The following CSMD1 variants were observed in gnomAD, a reference collection of about 807,000 sequenced individuals.
CSMD1 encodes CUB and sushi domain-containing protein 1.
Under a neutral mutation model 417.5 loss-of-function variants are expected in CSMD1, and 213 were observed. That is an observed-to-expected ratio of 0.51 (90% CI 0.46 to 0.57). CSMD1 has a LOEUF of 0.57. Among genes scored for constraint, CSMD1 ranks in the 20% least tolerant of loss-of-function variants. The pLI, the probability that CSMD1 is intolerant of heterozygous loss-of-function variation, is 0.00. For synonymous variants in CSMD1, 2,862 were observed against 1,736.8 expected (o/e 1.65, Z -16.11); for missense variants, 6,923 against 4,529.7 (o/e 1.53, Z -15.17).
At chr8:3,392,852 A>C (rs1387345785) in intron 17 of CSMD1, among the ~76,000 whole-genome samples, 1 of 152,034 alleles carries the variant, frequency 6.6e-6, no homozygotes, top group Non-Finnish European at 1.5e-5. Context: ...ATATCTCTAC[A>C]CCACCCACAG....
chr8:4,453,165 G>T (rs558775279), intron 2 of CSMD1, among the ~76,000 whole-genome samples: 1 of 151,238 alleles, frequency 6.6e-6, no homozygotes, highest in Non-Finnish European at 1.5e-5. Flanking sequence ...GCACAAGCCC[G>T]TTCCCCCCTC....
intron 3 of CSMD1, among the ~76,000 whole-genome samples, chr8:4,094,607 AGAG>A (rs1202967074): frequency 4.6e-5 from 7 of 151,102 alleles, no homozygotes. Flanking sequence ...TGTGTAGGTC[AGAG>A]GAGAGGCGTG....
chr8:4,001,682 C>T (rs1261963855), intron 4 of CSMD1, among the ~76,000 whole-genome samples: 4 of 152,042 alleles, frequency 2.6e-5, no homozygotes, highest in African/African-American at 7.2e-5. Context: ...CTAGAATTTC[C>T]GTTGATGAAT....
At chr8:4,569,451 T>C (rs1798776944) in intron 2 of CSMD1, among the ~76,000 whole-genome samples, 1 of 152,140 alleles carries the variant, frequency 6.6e-6, no homozygotes, top group African/African-American at 2.4e-5. Context: ...ATCAGATGGT[T>C]GTAGATGTGT....
intron 2 of CSMD1, among the ~76,000 whole-genome samples, chr8:4,499,131 C>G (rs1154096): frequency 0.48 from 72,833 of 151,942 alleles, 18,568 homozygotes; most frequent in African/African-American, 0.67. Context: ...GGGATTTAAA[C>G]CAAGATAAAG....
chr8:4,398,409 G>A (rs1337408911), intron 3 of CSMD1, among the ~76,000 whole-genome samples: 1 of 17,008 alleles, frequency 5.9e-5, no homozygotes, highest in South Asian at 1.7e-3. Context: ...TTTTTTTTTT[G>A]TGAGATAGAG....
chr8:4,865,481 A>C (rs1802372145), intron 1 of CSMD1, among the ~76,000 whole-genome samples: 1 of 151,984 alleles, frequency 6.6e-6, no homozygotes, highest in South Asian at 2.1e-4. Flanking sequence ...ACACAGCTTC[A>C]GTAGGTTTCC....
At chr8:3,805,960 C>T (rs148277860) in intron 5 of CSMD1, among the ~76,000 whole-genome samples, 194 of 152,276 alleles carry the variant, frequency 1.3e-3, no homozygotes, top group African/African-American at 4.2e-3. Flanking sequence ...GCTCCTTCTT[C>T]TTCCGTCTTC....
intron 37 of CSMD1, among the ~76,000 whole-genome samples, chr8:3,179,094 C>CT (rs1554452987): frequency 1.5e-4 from 23 of 151,662 alleles, no homozygotes; most frequent in South Asian, 4.2e-4. Context: ...ACTACAGGCC[C>CT]GCCACCACGC....
intron 1 of CSMD1, among the ~76,000 whole-genome samples, chr8:4,715,851 G>C (rs1375215832): frequency 6.6e-6 from 1 of 152,152 alleles, no homozygotes; most frequent in African/African-American, 2.4e-5. Flanking sequence ...ACTTTGCTTG[G>C]ATTACGGGAA....
chr8:3,594,411 A>ATT (rs143450115), intron 8 of CSMD1, among the ~76,000 whole-genome samples: 1 of 150,862 alleles, frequency 6.6e-6, no homozygotes, highest in African/African-American at 2.4e-5. Flanking sequence ...CATAGAATGT[A>ATT]TTTTTTTTTT....
At chr8:2,974,396 T>C (rs1016633820) in intron 56 of CSMD1, 55 bp downstream of exon 56, 3 of 1,394,730 alleles carry the variant, frequency 2.2e-6, no homozygotes, top group Admixed American at 2.5e-5. Context: ...GAAATCACTA[T>C]TTGAAAAGTT....
At chr8:4,435,735 C>T (rs1798113467) in intron 2 of CSMD1, among the ~76,000 whole-genome samples, 1 of 152,122 alleles carries the variant, frequency 6.6e-6, no homozygotes, top group South Asian at 2.1e-4. Flanking sequence ...TGAGATCTGT[C>T]TTGGCCATGT....
At chr8:3,719,742 T>A (rs181149415) in intron 6 of CSMD1, among the ~76,000 whole-genome samples, 1 of 152,288 alleles carries the variant, frequency 6.6e-6, no homozygotes, top group Non-Finnish European at 1.5e-5. Context: ...AAATATATAC[T>A]GGCTGCTTTC....
At chr8:4,130,017 C>A (rs1803000267) in intron 3 of CSMD1, among the ~76,000 whole-genome samples, 1 of 152,070 alleles carries the variant, frequency 6.6e-6, no homozygotes, top group Admixed American at 6.6e-5. Context: ...CCTTTCTTGT[C>A]AGAAGATTTT....
chr8:4,226,466 T>C (rs1277291145), intron 3 of CSMD1, among the ~76,000 whole-genome samples: 1 of 152,156 alleles, frequency 6.6e-6, no homozygotes, highest in Non-Finnish European at 1.5e-5. Flanking sequence ...TTAAAATACT[T>C]GCAATTTAGA....
chr8:4,275,331 G>C (rs1033739354), intron 3 of CSMD1, among the ~76,000 whole-genome samples: 14 of 152,260 alleles, frequency 9.2e-5, no homozygotes, highest in Admixed American at 2.6e-4. Flanking sequence ...AAGCTTCTGT[G>C]TTGTGTATTT....
At chr8:2,971,941 C>A (rs1804496083) in intron 57 of CSMD1, among the ~76,000 whole-genome samples, 1 of 151,972 alleles carries the variant, frequency 6.6e-6, no homozygotes, top group Non-Finnish European at 1.5e-5. Context: ...CTTGGATTAT[C>A]ATGTTTGTGT....
intron 1 of CSMD1, among the ~76,000 whole-genome samples, chr8:4,823,993 T>TATACAATCATGGACACACAC (rs1164464448): frequency 6.6e-6 from 1 of 151,472 alleles, no homozygotes; most frequent in East Asian, 1.9e-4. Flanking sequence ...GACACACACA[T>TATACAATCATGGACACACAC]ATACAATCAT....
Sources: gnomAD v4.1 joint callset for allele counts (sites outside exome capture counted in the v4.1 genomes callset) on GRCh38, gnomAD v4.1.1 for gene constraint, MANE v1.5 for transcripts, NCBI Gene and HGNC (gene_info 2026-07-23, HGNC 2026-07-21) for gene names.